The following PLD5 variants were observed in gnomAD, a reference collection of about 807,000 sequenced individuals.
The protein encoded by PLD5 is phospholipase D family member 5, also known as inactive phospholipase D5.
A neutral mutation model predicts 61.1 loss-of-function variants in PLD5; 36 were observed. That is an observed-to-expected ratio of 0.59 (90% confidence interval 0.45 to 0.78). PLD5 has a LOEUF of 0.78. Among genes scored for constraint, PLD5 ranks in the 30% least tolerant of loss-of-function variants. The pLI is 0.00. For synonymous variants in PLD5, 243 were observed against 242.8 expected (o/e 1.00, Z -0.01); for missense variants, 515 against 644.4 (o/e 0.80, Z 2.17).
At chr1:242,362,600 T>C (rs1443253072) in intron 1 of PLD5, among the ~76,000 whole-genome samples, 1 of 152,138 alleles carries the variant, frequency 6.6e-6, no homozygotes, top group Admixed American at 6.5e-5. Flanking sequence ...AGGAAGCACG[T>C]CACCCAGTAG....
Position 242,354,018 on chromosome 1 carries a change from C to A in PLD5, c.190-5776G>T, listed in dbSNP as rs538096954. Among the ~76,000 whole-genome samples, 339 of 149,292 alleles carry A rather than the reference C, an allele frequency of 2.3e-3. 2 individuals are homozygous for A. The highest frequency in any genetic ancestry group is 8.2e-3 in the African/African-American group (333 of 40,526). ...TAACAGTTTTTTTTTTTGGTGGATT[C>A]TTTAGAGTTTCTTATATGTAAGATT... On this transcript the variant is annotated intron_variant, in intron 1 of 9. Transcript: ENST00000536534.
chr1:242,105,860 G>C (rs1030716627), intron 8 of PLD5, among the ~76,000 whole-genome samples: 1 of 152,168 alleles, frequency 6.6e-6, no homozygotes, highest in Non-Finnish European at 1.5e-5. Context: ...AATTCATCAA[G>C]TTAGGGAATT....
intron 1 of PLD5, among the ~76,000 whole-genome samples, chr1:242,492,117 C>T (rs1668174607): frequency 6.6e-6 from 1 of 152,124 alleles, no homozygotes; most frequent in Admixed American, 6.5e-5. Flanking sequence ...ATGAGGGTGT[C>T]TACTGTCAAT....
chr1:242,378,097 C>T (rs553546928), intron 1 of PLD5, among the ~76,000 whole-genome samples: 1 of 152,006 alleles, frequency 6.6e-6, no homozygotes, highest in South Asian at 2.1e-4. Context: ...TTTGCAACAG[C>T]CAAAATGTAG....
At position 242,393,585 on chromosome 1, in the gene PLD5, TACATATGTGTATATATATGAGC is replaced by T. The variant is rs1392661531; in HGVS notation, c.190-45365_190-45344del. Among the ~76,000 whole-genome samples, 48 of 94,392 alleles carry T rather than the reference TACATATGTGTATATATATGAGC, an allele frequency of 5.1e-4. 2 individuals are homozygous for T. Among genetic ancestry groups the T allele is most frequent in the African/African-American group, 1.3e-3 (27 of 21,122 alleles). 61.9% of individuals were successfully genotyped at this position (94,392 alleles called of 152,430 possible). ...GTATATATGTGTATATATATGAGTA[TACATATGTGTATATATATGAGC>T]ATATATGTGTATATATATGAGTATA... On this transcript the variant is annotated intron_variant, in intron 1 of 9. Transcript: ENST00000536534.
intron 1 of PLD5, among the ~76,000 whole-genome samples, chr1:242,403,946 G>T (rs1236317982): frequency 1.3e-5 from 2 of 152,156 alleles, no homozygotes; most frequent in Non-Finnish European, 1.5e-5. Context: ...CCACATTCCA[G>T]AGGTGGAATC....
At chr1:242,460,296 T>C (rs1042651577) in intron 1 of PLD5, among the ~76,000 whole-genome samples, 27 of 152,146 alleles carry the variant, frequency 1.8e-4, no homozygotes, top group Non-Finnish European at 1.5e-5. Context: ...CAGTGCATTG[T>C]TGGCACCACG....
At chr1:242,148,968 G>A (rs1046088350) in intron 5 of PLD5, among the ~76,000 whole-genome samples, 1 of 146,540 alleles carries the variant, frequency 6.8e-6, no homozygotes, top group Admixed American at 6.9e-5. Context: ...AATAGAGAGA[G>A]TTTTATTTCA....
At chr1:242,404,793 T>G (rs1664133215) in intron 1 of PLD5, among the ~76,000 whole-genome samples, 1 of 150,548 alleles carries the variant, frequency 6.6e-6, no homozygotes, top group Admixed American at 6.6e-5. Context: ...TATCTATGAC[T>G]CCCACCCTTC....
intron 2 of PLD5, among the ~76,000 whole-genome samples, chr1:242,332,648 CA>C (rs1410055716): frequency 6.6e-6 from 1 of 152,090 alleles, no homozygotes; most frequent in Non-Finnish European, 1.5e-5. Flanking sequence ...CAATGCCTTT[CA>C]AAACATAACA....
At chr1:242,263,222 A>G (rs1252495757) in intron 4 of PLD5, among the ~76,000 whole-genome samples, 1 of 151,736 alleles carries the variant, frequency 6.6e-6, no homozygotes, top group Non-Finnish European at 1.5e-5. Flanking sequence ...CTTTTTCACA[A>G]TATATTTGAT....
intron 1 of PLD5, among the ~76,000 whole-genome samples, chr1:242,348,540 T>C (rs1368765024): frequency 6.6e-6 from 1 of 152,108 alleles, no homozygotes; most frequent in African/African-American, 2.4e-5. Context: ...CCAGAAAAGA[T>C]CACTAGATAT....
At chr1:242,422,111 C>T (rs956374299) in intron 1 of PLD5, among the ~76,000 whole-genome samples, 13 of 152,144 alleles carry the variant, frequency 8.5e-5, no homozygotes, top group Non-Finnish European at 1.8e-4. Flanking sequence ...TCCCTTCTTG[C>T]TAGAGACACT....
intron 1 of PLD5, among the ~76,000 whole-genome samples, chr1:242,363,634 CTA>C (rs1661190636): frequency 6.6e-6 from 1 of 151,672 alleles, no homozygotes. Flanking sequence ...AAACAGGAAA[CTA>C]TGATCCACAC....
chr1:242,215,757 A>C (rs1670147918), intron 5 of PLD5, among the ~76,000 whole-genome samples: 1 of 152,162 alleles, frequency 6.6e-6, no homozygotes, highest in Non-Finnish European at 1.5e-5. Context: ...TGGACAACAC[A>C]GGCCCTGGAC....
chr1:242,126,507 A>G (rs1662795615), intron 5 of PLD5, among the ~76,000 whole-genome samples: 1 of 152,198 alleles, frequency 6.6e-6, no homozygotes, highest in Admixed American at 6.5e-5. Flanking sequence ...AATAAGCCCA[A>G]ATACTTACAG....
At chr1:242,097,333 C>T (rs1046301005) in intron 9 of PLD5, among the ~76,000 whole-genome samples, 1 of 152,156 alleles carries the variant, frequency 6.6e-6, no homozygotes. Flanking sequence ...ACACTGAGTT[C>T]CACAATGGTT....
chr1:242,454,327 G>A (rs973126550), intron 1 of PLD5, among the ~76,000 whole-genome samples: 15 of 119,952 alleles, frequency 1.3e-4, no homozygotes, highest in South Asian at 5.0e-4. Flanking sequence ...GCAAGACTCC[G>A]TGTCAAAAAA....
At chr1:242,361,915 G>A (rs1661086574) in intron 1 of PLD5, among the ~76,000 whole-genome samples, 1 of 151,364 alleles carries the variant, frequency 6.6e-6, no homozygotes, top group Non-Finnish European at 1.5e-5. Context: ...TGGGAGGATT[G>A]CTTGAGGCCA....
Sources: gnomAD v4.1 joint callset for allele counts (sites outside exome capture counted in the v4.1 genomes callset) on GRCh38, gnomAD v4.1.1 for gene constraint, MANE v1.5 for transcripts, NCBI Gene and HGNC (gene_info 2026-07-23, HGNC 2026-07-21) for gene names.